Variants in PUM2 observed in about 807,000 individuals in gnomAD.
The protein encoded by PUM2 is pumilio homolog 2.
A neutral mutation model predicts 124.5 loss-of-function variants in PUM2; 57 were observed. That is an observed-to-expected ratio of 0.46 (90% confidence interval 0.37 to 0.57). The LOEUF (loss-of-function observed/expected upper bound fraction) is 0.57, where lower values mean the gene tolerates loss of function less well. PUM2 is among the 20% of genes least tolerant of loss of function. The pLI is 0.00. For synonymous variants in PUM2, 460 were observed against 446.1 expected (o/e 1.03, Z -0.39); for missense variants, 1,065 against 1,290.6 (o/e 0.83, Z 2.68).
chr2:20,347,459 C>T (rs1449633836), intron 1 of PUM2, among the ~76,000 whole-genome samples: 1 of 152,120 alleles, frequency 6.6e-6, no homozygotes, highest in African/African-American at 2.4e-5. Context: ...CACGCACCTA[C>T]CTAATAATTC....
intron 3 of PUM2, among the ~76,000 whole-genome samples, chr2:20,314,095 G>A (rs1459547597): frequency 6.6e-6 from 1 of 152,034 alleles, no homozygotes; most frequent in Admixed American, 6.6e-5. Context: ...TTGGTGAGCC[G>A]TGATTGTGCC....
intron 7 of PUM2, among the ~76,000 whole-genome samples, chr2:20,305,880 A>G (rs1444429790): frequency 6.6e-6 from 1 of 152,218 alleles, no homozygotes; most frequent in African/African-American, 2.4e-5. Context: ...AAATGACACT[A>G]CAGTAAACTT....
intron 1 of PUM2, among the ~76,000 whole-genome samples, chr2:20,332,282 AGTGTGTGTGTGTGTGTGTGT>A (rs55986830): frequency 6.9e-5 from 10 of 145,448 alleles, no homozygotes; most frequent in Admixed American, 1.4e-4. Flanking sequence ...ATACTACTAG[AGTGTGTGTGTGTGTGTGTGT>A]GTGTGTGTGT....
At chr2:20,255,876 A>G (rs1664648495) in intron 17 of PUM2, among the ~76,000 whole-genome samples, 157 bp downstream of exon 17, 1 of 152,194 alleles carries the variant, frequency 6.6e-6, no homozygotes, top group African/African-American at 2.4e-5. Flanking sequence ...TCTACTGACT[A>G]TGAAAGAGGA....
At chr2:20,267,784 C>A (rs1558506924) in intron 13 of PUM2, among the ~76,000 whole-genome samples, 1 of 152,152 alleles carries the variant, frequency 6.6e-6, no homozygotes, top group Admixed American at 6.5e-5. Context: ...TAGGCCAGAG[C>A]TTATCTCATA....
chr2:20,266,821 C>T (rs945762702), intron 13 of PUM2, among the ~76,000 whole-genome samples: 7 of 151,828 alleles, frequency 4.6e-5, no homozygotes, highest in African/African-American at 1.7e-4. Flanking sequence ...TGACAATGGG[C>T]CCCCATTGTC....
intron 1 of PUM2, among the ~76,000 whole-genome samples, chr2:20,334,147 ATTTTTTTTT>A (rs1190947607): frequency 6.6e-6 from 1 of 151,944 alleles, no homozygotes; most frequent in Non-Finnish European, 1.5e-5. Context: ...TACAAAAAAA[ATTTTTTTTT>A]AAAAAATTAG....
At chr2:20,306,618 T>C (rs547710698) in intron 7 of PUM2, among the ~76,000 whole-genome samples, 2 of 149,884 alleles carry the variant, frequency 1.3e-5, no homozygotes, top group Admixed American at 6.6e-5. Context: ...TTTTTTTTTT[T>C]TTTTTTCTTG....
chr2:20,306,980 G>A (rs541901534), intron 7 of PUM2, among the ~76,000 whole-genome samples: 4 of 151,988 alleles, frequency 2.6e-5, no homozygotes, highest in Non-Finnish European at 2.9e-5. Flanking sequence ...TTGGGAGGCC[G>A]AGGGGGGGCT....
chr2:20,283,128 C>T lies in PUM2; in HGVS notation c.1539G>A (p.Gln513=). Residue 513 remains glutamine, a synonymous_variant, in exon 12 of 21, where the codon CAG becomes CAA. Coordinates refer to ENST00000361078, the MANE Select transcript of PUM2 (RefSeq NM_015317.5). ...GTQPPQQQQQ[Q]PSTNLQSNSF... ...AATTAGATTGCAGATTAGTGCTTGG[C>T]TGCTGTTGCTGCTGCTGTGGTGGCT... 4 of 1,614,162 alleles carry T rather than the reference C, an allele frequency of 2.5e-6. No homozygotes were observed. In the East Asian group the frequency reaches 8.9e-5, roughly 36 times the overall value.
chr2:20,325,715 G>A (rs915347608), intron 2 of PUM2, among the ~76,000 whole-genome samples: 9 of 151,198 alleles, frequency 6.0e-5, no homozygotes, highest in East Asian at 2.0e-4. Flanking sequence ...TCCGCCTCCC[G>A]GGTTCACGCC....
intron 2 of PUM2, among the ~76,000 whole-genome samples, chr2:20,325,309 G>C (rs1683403406): frequency 6.6e-6 from 1 of 152,284 alleles, no homozygotes. Context: ...CTGACATGCT[G>C]CTATCCACCA....
chr2:20,294,305 A>C, intron 9 of PUM2, 71 bp downstream of exon 9: 2 of 1,545,890 alleles, frequency 1.3e-6, no homozygotes, highest in Non-Finnish European at 1.8e-6. Context: ...CGAAAAACAC[A>C]AATCTTAAAC....
At chr2:20,322,865 C>T (rs1682712271) in intron 2 of PUM2, among the ~76,000 whole-genome samples, 1 of 152,062 alleles carries the variant, frequency 6.6e-6, no homozygotes, top group African/African-American at 2.4e-5. Flanking sequence ...ACATAGAGAA[C>T]AAAACACAAA....
chr2:20,277,148 C>T (rs574844625), intron 13 of PUM2, among the ~76,000 whole-genome samples: 1 of 152,220 alleles, frequency 6.6e-6, no homozygotes, highest in Non-Finnish European at 1.5e-5. Flanking sequence ...TGATCTGAAA[C>T]TTACCTATGA....
chr2:20,280,177 C>A (rs952540422), intron 12 of PUM2, among the ~76,000 whole-genome samples: 1 of 151,966 alleles, frequency 6.6e-6, no homozygotes, highest in African/African-American at 2.4e-5. Context: ...ATTCAAAATT[C>A]TATAAAGGGG....
intron 10 of PUM2, among the ~76,000 whole-genome samples, chr2:20,286,803 T>C (rs1437954817): frequency 6.6e-6 from 1 of 152,190 alleles, no homozygotes; most frequent in Non-Finnish European, 1.5e-5. Flanking sequence ...CTCTATGCTA[T>C]GTTTTTGTTC....
At chr2:20,285,618 C>T (rs1672550090) in intron 10 of PUM2, among the ~76,000 whole-genome samples, 1 of 152,138 alleles carries the variant, frequency 6.6e-6, no homozygotes, top group South Asian at 2.1e-4. Context: ...CTCTACTTAG[C>T]TTAATTTTTC....
At chr2:20,342,543 T>A (rs1687428958) in intron 1 of PUM2, among the ~76,000 whole-genome samples, 1 of 152,184 alleles carries the variant, frequency 6.6e-6, no homozygotes, top group African/African-American at 2.4e-5. Context: ...CCAAGACAAC[T>A]TAAAGAAAAA....
Sources: allele counts gnomAD v4.1 joint callset (sites outside exome capture counted in the v4.1 genomes callset), GRCh38; gene constraint gnomAD v4.1.1; transcripts MANE v1.5; gene names NCBI Gene and HGNC (gene_info 2026-07-23, HGNC 2026-07-21).